Variants in CASK observed in about 807,000 individuals in gnomAD.
The protein encoded by CASK is peripheral plasma membrane protein CASK.
In CASK, 4 loss-of-function variants were observed where a neutral mutation model predicts 82.9. The ratio of observed to expected loss-of-function variants is 0.05; its 90% CI spans 0.02 to 0.11. The LOEUF (loss-of-function observed/expected upper bound fraction) is 0.11. Ranked by LOEUF, CASK falls within the 10% of genes least tolerant of loss-of-function variation. The probability of loss-of-function intolerance (pLI) is 1.00; values close to 1 mark genes in which losing one functional copy is unlikely to be tolerated. For synonymous variants in CASK, 259 were observed against 253.5 expected, an observed-to-expected ratio of 1.02 and a Z score of -0.20; for missense variants, 358 against 720.9, an observed-to-expected ratio of 0.50 and a Z score of 5.76.
chrX:41,865,045 G>A (rs1341100810), intron 1 of CASK, among the ~76,000 whole-genome samples: 1 of 111,945 alleles, frequency 8.9e-6, no homozygotes, highest in Non-Finnish European at 1.9e-5. Flanking sequence ...CTGTTTAGGC[G>A]ACATAGTAAA....
intron 1 of CASK, among the ~76,000 whole-genome samples, chrX:41,897,675 A>T (rs1250882299): frequency 9.0e-6 from 1 of 111,332 alleles, no homozygotes; most frequent in African/African-American, 3.3e-5. Flanking sequence ...CCATTTTCCC[A>T]TTGAAAAAAA....
intron 5 of CASK, among the ~76,000 whole-genome samples, chrX:41,687,586 T>C (rs1280850956): frequency 1.8e-5 from 2 of 111,371 alleles, no homozygotes; most frequent in African/African-American, 3.3e-5. Context: ...AGTTTTAGTT[T>C]TGCACGATGA....
Position 41,885,820 on chromosome X carries a change from G to T in CASK, c.60-32593C>A, listed in dbSNP as rs1363412779. ...GGGTTATACCCTAATGGTCTCCATT[G>T]CTTTAATTTGCCAGATAGAAGAAAT... is the stretch of plus-strand genomic sequence containing the variant. On this transcript the variant is annotated intron_variant, in intron 1 of 26. Transcript: ENST00000378163. Among the ~76,000 whole-genome samples the T allele has an allele frequency of 5.4e-5, 6 of 111,783 alleles. No individual in the cohort carries two copies. The Admixed American group carries it at 5.7e-4, about 11-fold the overall frequency.
At chrX:41,568,875 G>A (rs1296289648) in intron 16 of CASK, among the ~76,000 whole-genome samples, 1 of 111,464 alleles carries the variant, frequency 9.0e-6, no homozygotes, top group Non-Finnish European at 1.9e-5. Flanking sequence ...GTGTGCACCT[G>A]TGGTCCCAGC....
intron 8 of CASK, among the ~76,000 whole-genome samples, chrX:41,653,597 T>C (rs1483091948): frequency 9.0e-6 from 1 of 111,632 alleles, no homozygotes; most frequent in Non-Finnish European, 1.9e-5. Flanking sequence ...AAGGAAAAAT[T>C]ATACAGGGAT....
chrX:41,642,894 G>A (rs1348049712), intron 8 of CASK, among the ~76,000 whole-genome samples: 2 of 112,170 alleles, frequency 1.8e-5, no homozygotes, highest in Admixed American at 1.9e-4. Context: ...TAACATTTAA[G>A]TCTTTAATCC....
chrX:41,860,686 A>C (rs779320967), intron 1 of CASK, among the ~76,000 whole-genome samples: 1 of 112,256 alleles, frequency 8.9e-6, no homozygotes, highest in South Asian at 3.7e-4. Context: ...TCTGGTACCC[A>C]TCCCCAGCTC....
At chrX:41,776,062 CAAA>C (rs1052425963) in intron 3 of CASK, among the ~76,000 whole-genome samples, 3 of 111,375 alleles carry the variant, frequency 2.7e-5, no homozygotes, top group African/African-American at 9.8e-5. Flanking sequence ...AAAATAAAAA[CAAA>C]ACAACAAAAA....
Position 41,517,802 on chromosome X carries a change from G to A in CASK, c.*2618C>T, listed in dbSNP as rs2064580590. On this transcript the variant is annotated 3_prime_UTR_variant, in exon 27 of 27. Transcript: ENST00000378163. ...AGCAGCAGCAGCAGCAGCAGCAGCA[G>A]CAGCAGCAGCAGCAGCAGCAATGTA... 2 of 796,812 alleles carry A rather than the reference G, an allele frequency of 2.5e-6. No individual in the cohort carries two copies. Among genetic ancestry groups the A allele is most frequent in the East Asian group, 7.0e-5 (2 of 28,682 alleles). 65.7% of individuals were successfully genotyped at this position (796,812 alleles called of 1,213,427 possible).
At chrX:41,549,412 C>A (rs1367870248) in intron 21 of CASK, among the ~76,000 whole-genome samples, 2 of 112,067 alleles carry the variant, frequency 1.8e-5, no homozygotes, top group African/African-American at 3.2e-5. Context: ...AGTTAGAATC[C>A]TTTTCTCCCT....
chrX:41,676,211 T>C (rs1431042097), intron 5 of CASK: 2 of 1,185,114 alleles, frequency 1.7e-6, no homozygotes, highest in Non-Finnish European at 2.3e-6. Flanking sequence ...CAGTACATCA[T>C]TGCAGATATC....
At chrX:41,647,749 T>A (rs749348021) in intron 8 of CASK, among the ~76,000 whole-genome samples, 3 of 112,230 alleles carry the variant, frequency 2.7e-5, no homozygotes, top group African/African-American at 9.7e-5. Flanking sequence ...TAATTTCTTA[T>A]GCCTGTCTTT....
rs183738115 is a variant in CASK at position 41,526,770 on chromosome X, T to A, written c.2521-2736A>T. ...AGCCCTGTGGTTAGCATATTTGCTTTCTCCTCCTTTTTGTAGCTTTTTCTA... is the reference window on the plus strand; with the variant it reads ...AGCCCTGTGGTTAGCATATTTGCTTACTCCTCCTTTTTGTAGCTTTTTCTA... On this transcript the variant is annotated intron_variant, in intron 25 of 26. Transcript: ENST00000378163. Among the ~76,000 whole-genome samples, 331 of 112,224 alleles carry A rather than the reference T, an allele frequency of 2.9e-3. 1 individual carries two copies. The highest frequency in any genetic ancestry group is 0.011 in the African/African-American group (326 of 30,861).
chrX:41,607,818 C>T (rs1480183188), intron 12 of CASK, among the ~76,000 whole-genome samples: 2 of 111,798 alleles, frequency 1.8e-5, no homozygotes, highest in Non-Finnish European at 3.8e-5. Flanking sequence ...TGGGAAATAG[C>T]AGTGTGACCT....
intron 10 of CASK, among the ~76,000 whole-genome samples, chrX:41,625,438 G>C (rs1049907660): frequency 2.7e-5 from 3 of 110,442 alleles, no homozygotes; most frequent in Non-Finnish European, 5.7e-5. Flanking sequence ...TGCCCGCCTC[G>C]GCCTCCCAAA....
Position 41,739,406 on chromosome X carries a change from T to C in CASK, c.407A>G (p.Asn136Ser). The C allele has an allele frequency of 8.5e-7, 1 of 1,182,559 alleles. No homozygotes were observed. The highest frequency in any genetic ancestry group is 1.2e-6 in the Non-Finnish European group (1 of 868,940). The change falls in exon 5 of 27, where the codon AAC (asparagine) becomes AGC (serine). Residue 136 changes from asparagine to serine, a missense_variant. Transcript: ENST00000378163. ...TACCTTCACATCCCTGTGAATTATG[T>C]TATTATCATGGCAGTAGCGTAGAGC... ...LEALRYCHDNNIIHRDVKPHC... is the reference protein window; with the variant it reads ...LEALRYCHDNSIIHRDVKPHC...
intron 21 of CASK, among the ~76,000 whole-genome samples, chrX:41,544,393 C>A (rs2064989855): frequency 9.1e-6 from 1 of 109,558 alleles, no homozygotes. Flanking sequence ...GGGCGAAATC[C>A]CATCTCTACT....
chrX:41,638,489 T>A (rs908010501), intron 8 of CASK, among the ~76,000 whole-genome samples: 1 of 111,353 alleles, frequency 9.0e-6, no homozygotes. Flanking sequence ...AGGGCTGCAG[T>A]GAGCCATGAC....
At chrX:41,832,207 G>C (rs763093846) in intron 2 of CASK, among the ~76,000 whole-genome samples, 1 of 111,238 alleles carries the variant, frequency 9.0e-6, no homozygotes, top group African/African-American at 3.3e-5. Context: ...TCTACTCTAG[G>C]AAAATTACAA....
Sources: allele counts gnomAD v4.1 joint callset (sites outside exome capture counted in the v4.1 genomes callset), GRCh38; gene constraint gnomAD v4.1.1; transcripts MANE v1.5; gene names NCBI Gene and HGNC (gene_info 2026-07-23, HGNC 2026-07-21).